The following PDE11A variants were observed in gnomAD, a reference collection of about 807,000 sequenced individuals.
PDE11A encodes phosphodiesterase 11A.
PDE11A carries 100 observed loss-of-function variants against 100.5 expected under a neutral mutation model. The ratio of observed to expected loss-of-function variants is 1.00; its 90% CI spans 0.85 to 1.18. The LOEUF (loss-of-function observed/expected upper bound fraction) is 1.18, where lower values mean the gene tolerates loss of function less well. Among genes scored for constraint, PDE11A ranks in the 50% most tolerant of loss-of-function variants. PDE11A has a pLI of 0.00. For missense variants in PDE11A, 1,141 were observed against 1,152.6 expected (o/e 0.99, Z 0.15); for synonymous variants, 381 against 420.8 (o/e 0.91, Z 1.16).
chr2:177,698,598 G>T (rs1299521079), intron 14 of PDE11A: 1 of 151,920 alleles, frequency 6.6e-6, no homozygotes, highest in East Asian at 1.9e-4. Context: ...AGGGAACTAG[G>T]ATATCAACTA....
At chr2:178,101,693 A>G (rs942698621) in intron 2 of PDE11A, among the ~76,000 whole-genome samples, 22 of 152,178 alleles carry the variant, frequency 1.4e-4, no homozygotes, top group African/African-American at 5.3e-4. Flanking sequence ...GGGGCCAACT[A>G]TAATAACAAA....
intron 1 of PDE11A, among the ~76,000 whole-genome samples, chr2:178,054,205 C>G (rs142371383): frequency 9.0e-4 from 137 of 152,260 alleles, no homozygotes; most frequent in African/African-American, 3.1e-3. Context: ...ACATCTACAA[C>G]CATCTGATCT....
chr2:177,726,131 T>C (rs546028082), intron 12 of PDE11A, among the ~76,000 whole-genome samples: 2 of 152,236 alleles, frequency 1.3e-5, no homozygotes, highest in South Asian at 2.1e-4. Context: ...TTAAGCCTCA[T>C]GGTTCAAAGC....
chr2:177,776,378 C>T (rs986833984), intron 9 of PDE11A, among the ~76,000 whole-genome samples: 15 of 152,290 alleles, frequency 9.8e-5, no homozygotes, highest in African/African-American at 2.4e-4. Flanking sequence ...ATCCGGAAAA[C>T]GCTAAGCTAC....
At chr2:177,750,653 T>G (rs1165917058) in intron 10 of PDE11A, among the ~76,000 whole-genome samples, 1 of 152,232 alleles carries the variant, frequency 6.6e-6, no homozygotes, top group Non-Finnish European at 1.5e-5. Flanking sequence ...AAAGGTGTGG[T>G]CAAAACTGGC....
chr2:177,741,060 A>G (rs1003780457), intron 10 of PDE11A, among the ~76,000 whole-genome samples: 1 of 152,234 alleles, frequency 6.6e-6, no homozygotes, highest in Non-Finnish European at 1.5e-5. Flanking sequence ...CAAAATACTT[A>G]GCACAGTGCC....
chr2:177,944,051 T>C (rs1282527703), intron 2 of PDE11A, among the ~76,000 whole-genome samples: 1 of 152,218 alleles, frequency 6.6e-6, no homozygotes, highest in African/African-American at 2.4e-5. Flanking sequence ...GTTTACAGTA[T>C]GCTGTCAAAC....
chr2:178,040,799 C>T (rs907625647), intron 1 of PDE11A, among the ~76,000 whole-genome samples: 5 of 152,176 alleles, frequency 3.3e-5, no homozygotes, highest in African/African-American at 1.2e-4. Flanking sequence ...AATTGCCTTC[C>T]TTCTTTACAG....
Position 177,933,447 on chromosome 2 carries a change from G to A in PDE11A, c.1072-28260C>T, listed in dbSNP as rs866369935. 3.9e-5 allele frequency among the ~76,000 whole-genome samples: 6 copies of A among 152,110 alleles called. No individual in the cohort carries two copies. The East Asian group carries it at 5.8e-4, about 15-fold the overall frequency. On this transcript the variant is annotated intron_variant, in intron 2 of 19. Transcript: ENST00000286063. Reference sequence around the variant, plus strand: ...TGTAATCCCAGCACTTTGGGAGGCCGAGGTGGGTGGATCACCTGAGGTCAG... The same window carrying A: ...TGTAATCCCAGCACTTTGGGAGGCCAAGGTGGGTGGATCACCTGAGGTCAG...
intron 19 of PDE11A, among the ~76,000 whole-genome samples, chr2:177,631,765 C>T (rs193122166): frequency 5.0e-4 from 76 of 151,106 alleles, no homozygotes; most frequent in Non-Finnish European, 9.1e-4. Flanking sequence ...GGCCTGTTTT[C>T]CATCTCCAGG....
Position 177,906,177 on chromosome 2 carries a change from A to ACACGCACGCACGCACG in PDE11A, c.1072-1006_1072-991dup, listed in dbSNP as rs3037874. 2.6e-5 allele frequency among the ~76,000 whole-genome samples: 4 copies of ACACGCACGCACGCACG among 151,038 alleles called. No homozygotes were observed. In the South Asian group the frequency reaches 6.4e-4, roughly 24 times the overall value. ...CTCTGTCTCTCTCTCACACACACAC[A>ACACGCACGCACGCACG]CACGCACGCACGCACGCACGCACGC... On this transcript the variant is annotated intron_variant, in intron 2 of 19. Coordinates refer to ENST00000286063, the MANE Select transcript of PDE11A (RefSeq NM_016953.4).
chr2:178,086,791 G>C (rs1428740213), intron 2 of PDE11A, among the ~76,000 whole-genome samples: 1 of 152,180 alleles, frequency 6.6e-6, no homozygotes, highest in Non-Finnish European at 1.5e-5. Flanking sequence ...CATAAAAGTA[G>C]GAAAATCAGA....
At chr2:178,097,087 C>T (rs185887404) in intron 2 of PDE11A, among the ~76,000 whole-genome samples, 43 of 152,028 alleles carry the variant, frequency 2.8e-4, no homozygotes, top group Admixed American at 3.9e-4. Flanking sequence ...GGGGTTTCAC[C>T]GTGTTAGCCA....
chr2:177,774,762 G>A (rs1006583495), intron 9 of PDE11A, among the ~76,000 whole-genome samples: 2 of 152,070 alleles, frequency 1.3e-5, no homozygotes, highest in Non-Finnish European at 2.9e-5. Flanking sequence ...AATTTAACAC[G>A]TCTAAATAAA....
chr2:177,940,857 T>C (rs1260325629), intron 2 of PDE11A, among the ~76,000 whole-genome samples: 1 of 152,224 alleles, frequency 6.6e-6, no homozygotes, highest in Non-Finnish European at 1.5e-5. Flanking sequence ...TGGTGCTTCA[T>C]GATGCACATG....
At chr2:177,973,353 C>A in intron 2 of PDE11A, among the ~76,000 whole-genome samples, 1 of 74,006 alleles carries the variant, frequency 1.4e-5, no homozygotes, top group East Asian at 3.6e-4. Flanking sequence ...CGGGTCACTC[C>A]CACCCGAATA....
chr2:178,060,330 T>G (rs887940283), intron 1 of PDE11A, among the ~76,000 whole-genome samples: 7 of 151,994 alleles, frequency 4.6e-5, no homozygotes, highest in African/African-American at 1.5e-4. Flanking sequence ...GGAAAAAAAA[T>G]AAAAGAAAAC....
chr2:177,894,579 C>T (rs1396326291), intron 4 of PDE11A, among the ~76,000 whole-genome samples: 1 of 152,114 alleles, frequency 6.6e-6, no homozygotes, highest in Non-Finnish European at 1.5e-5. Flanking sequence ...CCTCATTATT[C>T]ACCCTCCGTT....
At chr2:177,897,011 T>C (rs913705098) in intron 4 of PDE11A, among the ~76,000 whole-genome samples, 11 of 152,168 alleles carry the variant, frequency 7.2e-5, no homozygotes, top group Admixed American at 2.0e-4. Flanking sequence ...AGATACTCAA[T>C]ATTGTAAGTC....
Sources: gnomAD v4.1 joint callset for allele counts (sites outside exome capture counted in the v4.1 genomes callset) on GRCh38, gnomAD v4.1.1 for gene constraint, MANE v1.5 for transcripts, NCBI Gene and HGNC (gene_info 2026-07-23, HGNC 2026-07-21) for gene names.